LIMD1: variants seen among roughly 807,000 people sequenced by gnomAD.
LIMD1 encodes the protein LIM domain-containing protein 1.
LIMD1 carries 23 observed loss-of-function variants against 58.4 expected under a neutral mutation model. The observed-to-expected ratio is 0.39, with a 90% CI of 0.28 to 0.56. The LOEUF (loss-of-function observed/expected upper bound fraction) is 0.56, where lower values mean the gene tolerates loss of function less well. LIMD1 is among the 20% of genes least tolerant of loss of function. LIMD1 has a pLI of 0.57. For missense variants in LIMD1, 838 were observed against 855.5 expected, an observed-to-expected ratio of 0.98 and a Z score of 0.25; for synonymous variants, 334 against 345.5, an observed-to-expected ratio of 0.97 and a Z score of 0.37.
Position 45,626,276 on chromosome 3 carries a change from C to G in LIMD1, c.1409-9874C>G, listed in dbSNP as rs182506361. ...AATGAGTTGAAAACTTATGTCCACACAAAAACCTGCACACGAATGTTTATA... is the reference window on the plus strand; with the variant it reads ...AATGAGTTGAAAACTTATGTCCACAGAAAAACCTGCACACGAATGTTTATA... On this transcript the variant is annotated intron_variant, in intron 1 of 7. Transcript: ENST00000273317. Among the ~76,000 whole-genome samples, 175 of 152,316 alleles carry G rather than the reference C, an allele frequency of 1.1e-3. 1 individual carries two copies. The highest frequency in any genetic ancestry group is 9.4e-4 in the Non-Finnish European group (64 of 68,032).
At chr3:45,609,644 CTT>C (rs1201056635) in intron 1 of LIMD1, among the ~76,000 whole-genome samples, 1 of 152,230 alleles carries the variant, frequency 6.6e-6, no homozygotes, top group African/African-American at 2.4e-5. Context: ...CCAGACCTAT[CTT>C]TGCATTACCA....
chr3:45,672,765 G>T lies in LIMD1; in HGVS notation c.1717G>T (p.Val573Leu), dbSNP rs1186728150. 1.2e-6 allele frequency: 2 copies of T among 1,613,906 alleles called. No homozygotes were observed. Among genetic ancestry groups the T allele is most frequent in the African/African-American group, 2.7e-5 (2 of 74,886 alleles). The change falls in exon 5 of 8, where the codon GTG becomes TTG. Residue 573 changes from valine (V) to leucine (L), a missense_variant. This residue lies in a region of LIMD1 where 174 missense variants were observed against 197.4 expected (regional missense o/e 0.88). Coordinates refer to ENST00000273317, the MANE Select transcript of LIMD1 (RefSeq NM_014240.3). ...CVICNECLDG[V>L]PFTVDSENKI... ...CATCTGTAATGAGTGTTTGGATGGGGTGCCCTTCACCGTGGACTCAGAGAA... is the reference window on the plus strand; with the variant it reads ...CATCTGTAATGAGTGTTTGGATGGGTTGCCCTTCACCGTGGACTCAGAGAA...
rs767366344 is a variant in LIMD1, at chr3:45,677,081, A to T, written c.*22A>T. The T allele has an allele frequency of 6.2e-7, 1 of 1,606,872 alleles. No individual in the cohort carries two copies. Among genetic ancestry groups the T allele is most frequent in the African/African-American group, 1.3e-5 (1 of 74,898 alleles). The stretch of plus-strand genomic sequence containing the variant: ...CTAGCCAGAGCCACTTGCAGACATC[A>T]CGGCAGGGGATGAGGAGCCGGGGTT... On this transcript the variant is annotated 3_prime_UTR_variant, in exon 8 of 8. Coordinates refer to ENST00000273317, the MANE Select transcript of LIMD1 (RefSeq NM_014240.3).
In LIMD1 at chr3:45,638,469, G is replaced by A. The variant is rs112410579; in HGVS notation, c.1510+2218G>A. ...CTGTTTCTTGTGTTTCTATGTTGCT[G>A]CAAAGGACATGATGTCACTTTTTTA... On this transcript the variant is annotated intron_variant, in intron 2 of 7. Coordinates refer to ENST00000273317, the MANE Select transcript of LIMD1 (RefSeq NM_014240.3). 6.6e-3 allele frequency among the ~76,000 whole-genome samples: 1,010 copies of A among 152,258 alleles called. 18 individuals carry two copies. Among genetic ancestry groups the A allele is most frequent in the African/African-American group, 0.022 (897 of 41,542 alleles).
At chr3:45,656,620 C>G (rs534613690) in intron 2 of LIMD1, among the ~76,000 whole-genome samples, 3 of 152,032 alleles carry the variant, frequency 2.0e-5, no homozygotes, top group Admixed American at 1.3e-4. Context: ...CGGGTTCAAG[C>G]GATTCTCCTG....
In LIMD1 at chr3:45,681,766, C is replaced by T. The variant is rs1013495115; in HGVS notation, c.*4707C>T. 2 of 152,188 alleles carry T rather than the reference C, an allele frequency of 1.3e-5. No individual in the cohort carries two copies. Among genetic ancestry groups the T allele is most frequent in the Non-Finnish European group, 2.9e-5 (2 of 68,034 alleles). 9.4% of individuals were successfully genotyped at this position (152,188 alleles called of 1,614,324 possible). A position where few individuals can be genotyped will look rare whatever the true frequency, so the allele number is the denominator to read the frequency against. On this transcript the variant is annotated 3_prime_UTR_variant, in exon 8 of 8. Coordinates refer to ENST00000273317, the MANE Select transcript of LIMD1 (RefSeq NM_014240.3). ...ACCTGGCAATTGGTGTCTATTCTTA[C>T]CAGATGTATAAAAATGTGAGAGGCC...
chr3:45,630,964 G>A (rs1173362591), intron 1 of LIMD1, among the ~76,000 whole-genome samples: 1 of 152,172 alleles, frequency 6.6e-6, no homozygotes, highest in Non-Finnish European at 1.5e-5. Context: ...AGCACTTTGG[G>A]AGGCCGAGGC....
intron 3 of LIMD1, among the ~76,000 whole-genome samples, chr3:45,667,513 T>C (rs969677018): frequency 6.6e-6 from 1 of 151,226 alleles, no homozygotes; most frequent in African/African-American, 2.4e-5. Context: ...CCAGTTAAGT[T>C]GTGTTTGTAA....
chr3:45,615,640 C>T (rs934955020), intron 1 of LIMD1, among the ~76,000 whole-genome samples: 3 of 151,886 alleles, frequency 2.0e-5, no homozygotes, highest in African/African-American at 7.3e-5. Flanking sequence ...CCTGTGGTTC[C>T]AGCTACTTTG....
intron 1 of LIMD1, among the ~76,000 whole-genome samples, chr3:45,626,330 C>G (rs1701667806): frequency 6.6e-6 from 1 of 152,036 alleles, no homozygotes; most frequent in Non-Finnish European, 1.5e-5. Flanking sequence ...CAAAATTTGG[C>G]AAGATGTCCT....
At chr3:45,643,545 C>T (rs1179204871) in intron 2 of LIMD1, among the ~76,000 whole-genome samples, 2 of 151,948 alleles carry the variant, frequency 1.3e-5, no homozygotes, top group South Asian at 4.1e-4. Context: ...GTGCTCACTC[C>T]AGGCAGATTG....
rs940716757 is a variant in LIMD1, at chr3:45,657,732, A to G, written c.1511-7918A>G. ...CCCACTTACTACCTGGGTAAGCCTC[A>G]ATTTCCTTACTTATGAAATGAAAAC... On this transcript the variant is annotated intron_variant, in intron 2 of 7. Coordinates refer to ENST00000273317, the MANE Select transcript of LIMD1 (RefSeq NM_014240.3). Among the ~76,000 whole-genome samples the G allele has an allele frequency of 2.0e-5, 3 of 152,202 alleles. No individual in the cohort carries two copies. The South Asian group carries it at 6.2e-4, about 32-fold the overall frequency.
intron 2 of LIMD1, among the ~76,000 whole-genome samples, chr3:45,662,598 A>G (rs920840900): frequency 2.7e-4 from 41 of 152,002 alleles, no homozygotes; most frequent in African/African-American, 9.7e-4. Flanking sequence ...TCCTTTTCCC[A>G]TCCTCTCCCT....
chr3:45,619,595 C>CT (rs1217190416), intron 1 of LIMD1, among the ~76,000 whole-genome samples: 1 of 152,016 alleles, frequency 6.6e-6, no homozygotes, highest in Non-Finnish European at 1.5e-5. Context: ...GGTCAGGAGT[C>CT]TGAGACCAGC....
chr3:45,677,230 C>G lies in LIMD1; in HGVS notation c.*171C>G. Reference sequence around the variant, plus strand: ...CTTTAACCAGGGAGGTGAACACTACCTGCCTCCTGCGTGTATTTTCCAAGT... The same window carrying G: ...CTTTAACCAGGGAGGTGAACACTACGTGCCTCCTGCGTGTATTTTCCAAGT... On this transcript the variant is annotated 3_prime_UTR_variant, in exon 8 of 8. Transcript: ENST00000273317. 3.2e-6 allele frequency: 2 copies of G among 622,392 alleles called. No individual in the cohort carries two copies. Among genetic ancestry groups the G allele is most frequent in the East Asian group, 2.8e-5 (1 of 35,184 alleles). 38.6% of individuals were successfully genotyped at this position (622,392 alleles called of 1,614,324 possible). A position where few individuals can be genotyped will look rare whatever the true frequency, so the allele number is the denominator to read the frequency against.
At chr3:45,602,093 C>A (rs1019580419) in intron 1 of LIMD1, among the ~76,000 whole-genome samples, 1 of 152,134 alleles carries the variant, frequency 6.6e-6, no homozygotes, top group African/African-American at 2.4e-5. Flanking sequence ...CAGGCGCCCG[C>A]CACCACGCCC....
chr3:45,683,816 C>T lies in LIMD1; in HGVS notation c.*6757C>T, dbSNP rs1436708312. 1 of 152,202 alleles carries T rather than the reference C, an allele frequency of 6.6e-6. No homozygotes were observed. The highest frequency in any genetic ancestry group is 1.5e-5 in the Non-Finnish European group (1 of 68,040). 9.4% of individuals were successfully genotyped at this position (152,202 alleles called of 1,614,324 possible). ...ATCTCTTTTGTTGCTTCATTCTTTA[C>T]TTGCTTTGTGCGTTTTGTCCATTTC... On this transcript the variant is annotated 3_prime_UTR_variant, in exon 8 of 8. Coordinates refer to ENST00000273317, the MANE Select transcript of LIMD1 (RefSeq NM_014240.3).
rs532602014 is a variant in LIMD1 at position 45,672,898 on chromosome 3, C to A, written c.1772+78C>A. 2.6e-6 allele frequency: 4 copies of A among 1,554,652 alleles called. No individual in the cohort carries two copies. In the African/African-American group the frequency reaches 4.1e-5, roughly 16 times the overall value. ...CAGCAGAGTGAGTGGTGGAAACCGA[C>A]AAAACTGTGTTTGCCAGCCGCCCTT... On this transcript the variant is annotated intron_variant, in intron 5 of 7. Coordinates refer to ENST00000273317, the MANE Select transcript of LIMD1 (RefSeq NM_014240.3).
intron 2 of LIMD1, among the ~76,000 whole-genome samples, chr3:45,639,089 T>C (rs13082607): frequency 0.22 from 33,577 of 152,102 alleles, 4,218 homozygotes; most frequent in Non-Finnish European, 0.29. Context: ...AGGCTGGTCT[T>C]GAGCTCCTGA....
Sources: allele counts gnomAD v4.1 joint callset (sites outside exome capture counted in the v4.1 genomes callset), GRCh38; gene constraint gnomAD v4.1.1; regional missense constraint gnomAD v4.1.1; transcripts MANE v1.5; gene names NCBI Gene and HGNC (gene_info 2026-07-23, HGNC 2026-07-21).